Variants in PTDSS1 observed in about 807,000 individuals in gnomAD.
The protein encoded by PTDSS1 is phosphatidylserine synthase 1.
In PTDSS1, 45 loss-of-function variants were observed where a neutral mutation model predicts 70.5. The observed-to-expected ratio is 0.64, with a 90% CI of 0.50 to 0.82. The LOEUF (loss-of-function observed/expected upper bound fraction) is 0.82, where lower values mean the gene tolerates loss of function less well. PTDSS1 is among the 40% of genes least tolerant of loss of function. The pLI is 0.00. For synonymous variants in PTDSS1, 188 were observed against 203.8 expected, an observed-to-expected ratio of 0.92 and a Z score of 0.66; for missense variants, 417 against 586.1, an observed-to-expected ratio of 0.71 and a Z score of 2.98.
rs1811554189 is a variant in PTDSS1, at chr8:96,333,739, C to T, written c.*173C>T. 2.7e-6 allele frequency: 2 copies of T among 741,398 alleles called. No individual in the cohort carries two copies. The highest frequency in any genetic ancestry group is 2.0e-5 in the Admixed American group (1 of 49,812). 45.9% of individuals were successfully genotyped at this position (741,398 alleles called of 1,614,324 possible). A position where few individuals can be genotyped will look rare whatever the true frequency, so the allele number is the denominator to read the frequency against. On this transcript the variant is annotated 3_prime_UTR_variant, in exon 13 of 13. Transcript: ENST00000517309. ...GTCTTGTTTCCCACAGACCTGGCCG[C>T]GTCAGGCAGATCATCGCCTGGGGGG...
In PTDSS1 at chr8:96,273,339, C is replaced by T. The variant is rs767755619; in HGVS notation, c.220C>T (p.Leu74Phe). The T allele has an allele frequency of 3.7e-6, 6 of 1,612,530 alleles. No homozygotes were observed. In the South Asian group the frequency reaches 5.5e-5, roughly 15 times the overall value. Residue 74 changes from leucine (L) to phenylalanine (F), a missense_variant, in exon 2 of 13, where the codon CTC (leucine) becomes TTC (phenylalanine). Physicochemically the swap from Leu to Phe is conservative, Grantham distance 22. Coordinates refer to ENST00000517309, the MANE Select transcript of PTDSS1 (RefSeq NM_014754.3). ...VPEDNIWRGI[L>F]SVIFFFLIIS... ...AGAAGACAACATCTGGAGAGGCATC[C>T]TCTCTGTTATTTTCTTCTTTCTTAT...
intron 1 of PTDSS1, among the ~76,000 whole-genome samples, chr8:96,266,361 G>T (rs1048843814): frequency 6.6e-5 from 10 of 152,206 alleles, no homozygotes; most frequent in African/African-American, 2.4e-4. Flanking sequence ...CAAGGACAGG[G>T]AAATGGACAG....
intron 1 of PTDSS1, among the ~76,000 whole-genome samples, chr8:96,269,100 C>A (rs957594365): frequency 4.6e-5 from 7 of 152,172 alleles, no homozygotes; most frequent in African/African-American, 1.7e-4. Flanking sequence ...GCTGGAGCAC[C>A]TCCTAAGTTT....
Position 96,330,395 on chromosome 8 carries a change from G to C in PTDSS1, c.1242+114G>C, listed in dbSNP as rs1811498423. ...TGGCGAGGTAAACACTGAGGTTGGG[G>C]CCTCCAGTCCTGCCACTGCAGAAAC... On this transcript the variant is annotated intron_variant, in intron 11 of 12. Coordinates refer to ENST00000517309, the MANE Select transcript of PTDSS1 (RefSeq NM_014754.3). The C allele has an allele frequency of 3.9e-6, 4 of 1,018,790 alleles. No homozygotes were observed. The East Asian group carries it at 1.0e-4, about 26-fold the overall frequency. The allele number at this position is 1,018,790 out of a possible 1,614,324, so 63.1% of individuals were successfully genotyped here. A position where few individuals can be genotyped will look rare whatever the true frequency, so the allele number is the denominator to read the frequency against.
intron 2 of PTDSS1, among the ~76,000 whole-genome samples, chr8:96,280,483 T>C (rs1372859219): frequency 6.6e-6 from 1 of 152,012 alleles, no homozygotes; most frequent in Admixed American, 6.6e-5. Context: ...GATTGAAGCC[T>C]GCAGTGAGCT....
At chr8:96,317,236 C>T (rs576517576) in intron 9 of PTDSS1, among the ~76,000 whole-genome samples, 37 of 151,990 alleles carry the variant, frequency 2.4e-4, no homozygotes, top group African/African-American at 8.7e-4. Flanking sequence ...GATTCCTGGC[C>T]CTTCCTTGTG....
At chr8:96,290,339 G>C (rs1327191387) in intron 4 of PTDSS1, among the ~76,000 whole-genome samples, 1 of 152,182 alleles carries the variant, frequency 6.6e-6, no homozygotes, top group African/African-American at 2.4e-5. Context: ...ACTTGCAGGT[G>C]GATGTGCTTG....
chr8:96,331,209 T>C (rs1384031054), intron 12 of PTDSS1, 114 bp downstream of exon 12: 2 of 955,178 alleles, frequency 2.1e-6, no homozygotes, highest in East Asian at 2.5e-5. Context: ...GGCCTACCCA[T>C]TGAATGTCTC....
chr8:96,321,968 T>C (rs1167517675), intron 10 of PTDSS1, among the ~76,000 whole-genome samples: 1 of 152,202 alleles, frequency 6.6e-6, no homozygotes, highest in Admixed American at 6.5e-5. Flanking sequence ...ACTATGCTCT[T>C]CTCAGATATG....
chr8:96,294,920 T>G lies in PTDSS1; in HGVS notation c.442-178T>G, dbSNP rs187702309. Among the ~76,000 whole-genome samples, 5 of 152,358 alleles carry G rather than the reference T, an allele frequency of 3.3e-5. No homozygotes were observed. In the East Asian group the frequency reaches 9.6e-4, roughly 29 times the overall value. ...AGCAAAGCAGTTTTGATTTATAAACTCAAATACTTGTCTATTTTCCCTCAA... is the reference window on the plus strand; with the variant it reads ...AGCAAAGCAGTTTTGATTTATAAACGCAAATACTTGTCTATTTTCCCTCAA... On this transcript the variant is annotated intron_variant, in intron 4 of 12. Coordinates refer to ENST00000517309, the MANE Select transcript of PTDSS1 (RefSeq NM_014754.3).
chr8:96,280,650 A>G (rs1586186732), intron 2 of PTDSS1, among the ~76,000 whole-genome samples: 1 of 152,364 alleles, frequency 6.6e-6, no homozygotes, highest in South Asian at 2.1e-4. Context: ...AATGTCCCTC[A>G]TAAGAAAACC....
At chr8:96,265,966 G>A (rs944385681) in intron 1 of PTDSS1, among the ~76,000 whole-genome samples, 3 of 152,182 alleles carry the variant, frequency 2.0e-5, no homozygotes, top group East Asian at 1.9e-4. Context: ...AAATGCTTAC[G>A]CATATGTCTT....
intron 12 of PTDSS1, among the ~76,000 whole-genome samples, chr8:96,331,835 G>C (rs1811520296): frequency 6.6e-6 from 1 of 151,864 alleles, no homozygotes; most frequent in Non-Finnish European, 1.5e-5. Flanking sequence ...GATCATTTGA[G>C]GCCAGGTATT....
chr8:96,328,580 C>T (rs930056325), intron 10 of PTDSS1, among the ~76,000 whole-genome samples: 3 of 152,164 alleles, frequency 2.0e-5, no homozygotes, highest in Non-Finnish European at 4.4e-5. Context: ...GAACCAGTGG[C>T]GCTGCTTGTG....
intron 2 of PTDSS1, 27 bp downstream of exon 2, chr8:96,273,417 T>C: frequency 6.6e-7 from 1 of 1,509,528 alleles, no homozygotes; most frequent in Non-Finnish European, 9.1e-7. Context: ...ATTACCACAT[T>C]TCTCCTATAT....
In PTDSS1 at chr8:96,328,215, C is replaced by A. The variant is rs564767975; in HGVS notation, c.1174-1998C>A. The stretch of plus-strand genomic sequence containing the variant: ...ATGACAGTCTAGTTGAGGGACCCGC[C>A]TCCCCACAGCCCTCTCGTTTGGGGA... On this transcript the variant is annotated intron_variant, in intron 10 of 12. Transcript: ENST00000517309. Among the ~76,000 whole-genome samples, 72 of 152,318 alleles carry A rather than the reference C, an allele frequency of 4.7e-4. 1 individual carries two copies. The South Asian group carries it at 0.015, about 32-fold the overall frequency.
intron 10 of PTDSS1, among the ~76,000 whole-genome samples, chr8:96,321,582 A>G (rs1187510956): frequency 1.3e-5 from 2 of 152,144 alleles, no homozygotes; most frequent in Admixed American, 6.5e-5. Flanking sequence ...ATTTTATCGT[A>G]TCTTGTAATT....
chr8:96,309,743 G>T, intron 9 of PTDSS1, 121 bp downstream of exon 9: 1 of 750,956 alleles, frequency 1.3e-6, no homozygotes, highest in South Asian at 1.7e-5. Flanking sequence ...AGGTGGACTA[G>T]ATTTTATATA....
chr8:96,282,717 A>G (rs556011785), intron 2 of PTDSS1, among the ~76,000 whole-genome samples: 2 of 152,358 alleles, frequency 1.3e-5, no homozygotes, highest in Admixed American at 6.5e-5. Flanking sequence ...TTAAGAATAT[A>G]TAGATGATTT....
Sources: gnomAD v4.1 joint callset for allele counts (sites outside exome capture counted in the v4.1 genomes callset) on GRCh38, gnomAD v4.1.1 for gene constraint, MANE v1.5 for transcripts, NCBI Gene and HGNC (gene_info 2026-07-23, HGNC 2026-07-21) for gene names.